The following PHLPP2 variants were observed in gnomAD, a reference collection of about 807,000 sequenced individuals.
PHLPP2 encodes PH domain and leucine rich repeat protein phosphatase 2.
A neutral mutation model predicts 124.9 loss-of-function variants in PHLPP2; 66 were observed. The observed-to-expected ratio is 0.53, with a 90% CI of 0.43 to 0.65. The LOEUF is 0.65. Ranked by LOEUF, PHLPP2 falls within the 30% of genes least tolerant of loss-of-function variation. The pLI is 0.00. For missense variants in PHLPP2, 1,685 were observed against 1,600.4 expected (o/e 1.05, Z -0.90); for synonymous variants, 681 against 624.7 (o/e 1.09, Z -1.34).
intron 2 of PHLPP2, among the ~76,000 whole-genome samples, chr16:71,710,790 T>C (rs2045318679): frequency 1.3e-5 from 2 of 152,182 alleles, no homozygotes; most frequent in Non-Finnish European, 1.5e-5. Flanking sequence ...TTAATCCTCA[T>C]GACAACTCAA....
At chr16:71,680,529 T>C (rs1209222312) in intron 6 of PHLPP2, among the ~76,000 whole-genome samples, 1 of 152,234 alleles carries the variant, frequency 6.6e-6, no homozygotes, top group Non-Finnish European at 1.5e-5. Flanking sequence ...ATCCACTGCA[T>C]TATAATTAAG....
At position 71,648,952 on chromosome 16, in the gene PHLPP2, C is replaced by G. The variant is rs748258512; in HGVS notation, c.3910G>C (p.Glu1304Gln). Residue 1304 changes from glutamate to glutamine, a missense_variant, in exon 19 of 19, where the codon GAG (glutamate) becomes CAG (glutamine). Coordinates refer to ENST00000568954, the MANE Select transcript of PHLPP2 (RefSeq NM_015020.3). ...QMKQHQDSRLEPEPHEEDRTE... is the reference protein window; with the variant it reads ...QMKQHQDSRLQPEPHEEDRTE... Reference sequence around the variant, plus strand: ...CGATCCTCTTCATGGGGCTCAGGCTCGAGCCGGCTGTCCTGGTGCTGTTTC... The same window carrying G: ...CGATCCTCTTCATGGGGCTCAGGCTGGAGCCGGCTGTCCTGGTGCTGTTTC... 6.2e-7 allele frequency: 1 copy of G among 1,613,776 alleles called. No individual in the cohort carries two copies. Among genetic ancestry groups the G allele is most frequent in the Non-Finnish European group, 8.5e-7 (1 of 1,180,034 alleles).
intron 6 of PHLPP2, 133 bp from the exon 7 acceptor site, chr16:71,679,668 G>C (rs2044978981): frequency 1.4e-6 from 1 of 710,484 alleles, no homozygotes; most frequent in Non-Finnish European, 2.3e-6. Flanking sequence ...TACTTATTGA[G>C]CACTCGCTGC....
At chr16:71,676,718 T>TA (rs1172448678) in intron 8 of PHLPP2, 69 bp from the exon 9 acceptor site, 2 of 1,165,752 alleles carry the variant, frequency 1.7e-6, no homozygotes, top group South Asian at 1.3e-5. Flanking sequence ...AGAATAAAAA[T>TA]AAAAAATAGG....
chr16:71,705,906 A>T (rs1271022620), intron 2 of PHLPP2, among the ~76,000 whole-genome samples: 1 of 152,242 alleles, frequency 6.6e-6, no homozygotes, highest in Non-Finnish European at 1.5e-5. Context: ...TGAAGGACTA[A>T]TTCCATTTAC....
At chr16:71,671,277 G>C (rs1482356749) in intron 10 of PHLPP2, among the ~76,000 whole-genome samples, 1 of 152,164 alleles carries the variant, frequency 6.6e-6, no homozygotes, top group Admixed American at 6.5e-5. Flanking sequence ...ACAACAGTTA[G>C]TATTTCTTGA....
Position 71,712,585 on chromosome 16 carries a change from A to C in PHLPP2, c.284+1927T>G, listed in dbSNP as rs1240487001. Among the ~76,000 whole-genome samples the C allele has an allele frequency of 3.9e-5, 6 of 152,234 alleles. No individual in the cohort carries two copies. The East Asian group carries it at 1.2e-3, about 29-fold the overall frequency. ...TTCCACCTGATAAAATTAGATCAGA[A>C]TCAGTGTTAAGACTTAGAAAAGCCT... On this transcript the variant is annotated intron_variant, in intron 2 of 18. Coordinates refer to ENST00000568954, the MANE Select transcript of PHLPP2 (RefSeq NM_015020.3).
chr16:71,718,129 G>A (rs1047713739), intron 1 of PHLPP2, among the ~76,000 whole-genome samples: 8 of 152,178 alleles, frequency 5.3e-5, no homozygotes, highest in African/African-American at 1.7e-4. Flanking sequence ...CTGGACTCAA[G>A]CAATCCTCCT....
At chr16:71,656,461 G>T in intron 16 of PHLPP2, 110 bp downstream of exon 16, 1 of 644,356 alleles carries the variant, frequency 1.6e-6, no homozygotes. Context: ...TCTATGATTT[G>T]TCTGTGTACA....
rs148722307 is a variant in PHLPP2 at position 71,694,003 on chromosome 16, G to A, written c.419-3294C>T. Reference sequence around the variant, plus strand: ...AGGCCAGGAGTTCAAGACCAGTCTGGCCAACATGGCAAAATCCCCATCTCT... The same window carrying A: ...AGGCCAGGAGTTCAAGACCAGTCTGACCAACATGGCAAAATCCCCATCTCT... On this transcript the variant is annotated intron_variant, in intron 3 of 18. Coordinates refer to ENST00000568954, the MANE Select transcript of PHLPP2 (RefSeq NM_015020.3). Among the ~76,000 whole-genome samples, 16 of 152,206 alleles carry A rather than the reference G, an allele frequency of 1.1e-4. No homozygotes were observed. In the East Asian group the frequency reaches 2.3e-3, roughly 22 times the overall value.
At chr16:71,714,455 G>A (rs1033901494) in intron 2 of PHLPP2, 57 bp downstream of exon 2, 24 of 1,498,440 alleles carry the variant, frequency 1.6e-5, no homozygotes, top group Middle Eastern at 2.0e-4. Context: ...GTTCTAAGCA[G>A]AAACACATTA....
intron 1 of PHLPP2, among the ~76,000 whole-genome samples, chr16:71,721,595 T>TA (rs950881575): frequency 3.3e-5 from 5 of 151,136 alleles, no homozygotes; most frequent in East Asian, 1.9e-4. Context: ...GCTATGTCTC[T>TA]AAAAAAAAAT....
At chr16:71,723,712 C>A (rs1597023602) in intron 1 of PHLPP2, 1 of 846,646 alleles carries the variant, frequency 1.2e-6, no homozygotes, top group African/African-American at 1.8e-5. Flanking sequence ...CGTTCCCTCC[C>A]TAGTCCGCTT....
rs1484673539 is a variant in PHLPP2, at chr16:71,678,745, A to C, written c.1268+10T>G. On this transcript the variant is annotated intron_variant, in intron 8 of 18. Transcript: ENST00000568954. The stretch of plus-strand genomic sequence containing the variant: ...AATTTAAAGGAAGGTGTGGTAAAGA[A>C]TAACCTTACCTTAAATCCACATGCT... 2.2e-6 allele frequency: 3 copies of C among 1,392,888 alleles called. No individual in the cohort carries two copies. In the African/African-American group the frequency reaches 4.2e-5, roughly 20 times the overall value. The allele number at this position is 1,392,888 out of a possible 1,614,324, so 86.3% of individuals were successfully genotyped here. A position where few individuals can be genotyped will look rare whatever the true frequency, so the allele number is the denominator to read the frequency against.
intron 3 of PHLPP2, among the ~76,000 whole-genome samples, chr16:71,692,485 G>A (rs1292878845): frequency 1.3e-5 from 2 of 152,146 alleles, no homozygotes; most frequent in African/African-American, 4.8e-5. Flanking sequence ...TATACAATAT[G>A]AGGAAATGAG....
rs1214040472 is a variant in PHLPP2, at chr16:71,714,664, A to T, written c.132T>A (p.Thr44=). 1.9e-6 allele frequency: 3 copies of T among 1,613,482 alleles called. No individual in the cohort carries two copies. The highest frequency in any genetic ancestry group is 2.5e-6 in the Non-Finnish European group (3 of 1,179,554). ...AGGAAGAGGAGGTGGTGGTGGTTGT[A>T]GTGGCAGTGGTAGTGTCTGCTCCAT... ...YLYGADTTTA[T]TTTTTSSSSS... The change falls in exon 2 of 19, where the codon ACT becomes ACA. Residue 44 remains threonine (T), a synonymous_variant. Coordinates refer to ENST00000568954, the MANE Select transcript of PHLPP2 (RefSeq NM_015020.3).
chr16:71,688,383 G>A (rs559831528), intron 4 of PHLPP2, among the ~76,000 whole-genome samples: 1 of 152,254 alleles, frequency 6.6e-6, no homozygotes, highest in East Asian at 1.9e-4. Context: ...TTAAATTTTA[G>A]TAACTGTATT....
chr16:71,670,695 A>AACACACACACGCACACACACACAC (rs2044884227), intron 10 of PHLPP2, among the ~76,000 whole-genome samples: 5 of 128,940 alleles, frequency 3.9e-5, no homozygotes, highest in African/African-American at 1.5e-4. Flanking sequence ...AGAGGCTGAA[A>AACACACACACGCACACACACACAC]ACACACACAC....
chr16:71,693,673 G>T (rs1163007765), intron 3 of PHLPP2, among the ~76,000 whole-genome samples: 1 of 152,130 alleles, frequency 6.6e-6, no homozygotes, highest in Non-Finnish European at 1.5e-5. Context: ...AAACAATCTG[G>T]ACTCAAATTA....
Sources: gnomAD v4.1 joint callset for allele counts (sites outside exome capture counted in the v4.1 genomes callset) on GRCh38, gnomAD v4.1.1 for gene constraint, MANE v1.5 for transcripts, NCBI Gene and HGNC (gene_info 2026-07-23, HGNC 2026-07-21) for gene names.